Variants in ZC3H6 observed in about 807,000 individuals in gnomAD.
ZC3H6 encodes the protein zinc finger CCCH-type containing 6.
ZC3H6 carries 40 observed loss-of-function variants against 107.7 expected under a neutral mutation model. That is an observed-to-expected ratio of 0.37 (90% CI 0.29 to 0.48). The LOEUF is 0.48. Ranked by LOEUF, ZC3H6 falls within the 20% of genes least tolerant of loss-of-function variation. ZC3H6 has a pLI of 0.98. For synonymous variants in ZC3H6, 493 were observed against 487.9 expected (o/e 1.01, Z -0.14); for missense variants, 1,267 against 1,410.4 (o/e 0.90, Z 1.63).
chr2:112,289,648 C>T (rs1361719670), intron 1 of ZC3H6, among the ~76,000 whole-genome samples: 1 of 152,304 alleles, frequency 6.6e-6, no homozygotes, highest in East Asian at 1.9e-4. Flanking sequence ...ATCAACTTAT[C>T]TGGGACCCTG....
intron 1 of ZC3H6, among the ~76,000 whole-genome samples, chr2:112,286,710 C>G (rs184315064): frequency 6.6e-6 from 1 of 152,282 alleles, no homozygotes; most frequent in African/African-American, 2.4e-5. Flanking sequence ...AAGTGCTGGG[C>G]TCATAGGCAT....
rs1558959378 is a variant in ZC3H6 at position 112,332,525 on chromosome 2, A to T, written c.*37A>T. On this transcript the variant is annotated 3_prime_UTR_variant, in exon 12 of 12. Coordinates refer to ENST00000409871, the MANE Select transcript of ZC3H6 (RefSeq NM_198581.3). ...CTGAGCAATTCTTTTCACTCTTGTG[A>T]CTATCTCAGTCCTCTGCTGTTTTGT... 6.4e-7 allele frequency: 1 copy of T among 1,562,682 alleles called. No individual in the cohort carries two copies. Among genetic ancestry groups the T allele is most frequent in the Non-Finnish European group, 8.7e-7 (1 of 1,155,368 alleles).
intron 2 of ZC3H6, 52 bp from the exon 3 acceptor site, chr2:112,303,176 TA>T: frequency 1.3e-6 from 2 of 1,570,318 alleles, no homozygotes; most frequent in Middle Eastern, 3.4e-4. Flanking sequence ...AATTACTAGT[TA>T]AATTTTCTTC....
At chr2:112,279,135 T>G (rs181344189) in intron 1 of ZC3H6, among the ~76,000 whole-genome samples, 35 of 152,364 alleles carry the variant, frequency 2.3e-4, no homozygotes, top group Admixed American at 1.6e-3. Flanking sequence ...CAGAGCCTAG[T>G]TTCTAAAGGT....
chr2:112,297,321 C>G (rs1573952425), intron 1 of ZC3H6, among the ~76,000 whole-genome samples: 1 of 152,138 alleles, frequency 6.6e-6, no homozygotes, highest in African/African-American at 2.4e-5. Flanking sequence ...GTGACATGAT[C>G]AGTTTTGTAT....
rs561147355 is a variant in ZC3H6 at position 112,318,739 on chromosome 2, A to G, written c.976+1407A>G. Among the ~76,000 whole-genome samples, 5 of 152,288 alleles carry G rather than the reference A, an allele frequency of 3.3e-5. No individual in the cohort carries two copies. In the South Asian group the frequency reaches 1.0e-3, roughly 32 times the overall value. ...TATGCATTTACCCTTTGACCCAGCAATCCCACGTTTTGCAGTTTCTCCACA... is the reference window on the plus strand; with the variant it reads ...TATGCATTTACCCTTTGACCCAGCAGTCCCACGTTTTGCAGTTTCTCCACA... On this transcript the variant is annotated intron_variant, in intron 7 of 11. Coordinates refer to ENST00000409871, the MANE Select transcript of ZC3H6 (RefSeq NM_198581.3).
chr2:112,283,945 T>C (rs1334265123), intron 1 of ZC3H6, among the ~76,000 whole-genome samples: 1 of 152,272 alleles, frequency 6.6e-6, no homozygotes, highest in African/African-American at 2.4e-5. Context: ...TAATAATCTT[T>C]ATATTTTAAG....
intron 5 of ZC3H6, 87 bp downstream of exon 5, chr2:112,312,024 A>G (rs986159421): frequency 7.5e-7 from 1 of 1,328,234 alleles, no homozygotes; most frequent in Non-Finnish European, 1.0e-6. Flanking sequence ...GATTTTAATG[A>G]TACTTCTCTA....
Position 112,310,155 on chromosome 2 carries a change from C to A in ZC3H6, c.607C>A (p.Gln203Lys). ...SGKKQRMKGV[Q>K]QGIEQRVKSF... ...AAAAAAACAGAGAATGAAAGGAGTT[C>A]AGCAAGGTAAGTTTGAAATTACAGT... is the stretch of plus-strand genomic sequence containing the variant. The change falls in exon 4 of 12, where the codon CAG (glutamine) becomes AAG (lysine). Residue 203 changes from glutamine to lysine, a missense_variant. Around this residue, in one of 3 missense-constraint regions of ZC3H6, gnomAD observed 337 missense variants for 361.2 expected, o/e 0.93. Transcript: ENST00000409871. 1 of 1,611,226 alleles carries A rather than the reference C, an allele frequency of 6.2e-7. No homozygotes were observed. The highest frequency in any genetic ancestry group is 1.1e-5 in the South Asian group (1 of 90,622).
chr2:112,301,478 GAT>G (rs1676371268), intron 2 of ZC3H6, among the ~76,000 whole-genome samples: 2 of 152,242 alleles, frequency 1.3e-5, no homozygotes, highest in Admixed American at 1.3e-4. Flanking sequence ...CAACAGAAGA[GAT>G]AACCCTAGAG....
At chr2:112,307,361 G>A (rs566345601) in intron 3 of ZC3H6, among the ~76,000 whole-genome samples, 1 of 152,126 alleles carries the variant, frequency 6.6e-6, no homozygotes, top group East Asian at 1.9e-4. Flanking sequence ...AGTGATTGCT[G>A]TGGGGCTTGT....
At chr2:112,313,431 C>T (rs1160790751) in intron 5 of ZC3H6, among the ~76,000 whole-genome samples, 2 of 152,094 alleles carry the variant, frequency 1.3e-5, no homozygotes, top group Admixed American at 1.3e-4. Context: ...TACCTTTAAA[C>T]AAAATTAGCT....
chr2:112,311,125 G>A (rs1050270978), intron 4 of ZC3H6, among the ~76,000 whole-genome samples: 5 of 151,966 alleles, frequency 3.3e-5, no homozygotes, highest in Non-Finnish European at 5.9e-5. Flanking sequence ...CTACTTGTTT[G>A]TGCTCTTAAA....
In ZC3H6 at chr2:112,332,231, G is replaced by A. The variant is rs1287704286; in HGVS notation, c.3313G>A (p.Val1105Ile). 3 of 1,614,020 alleles carry A rather than the reference G, an allele frequency of 1.9e-6. No homozygotes were observed. Among genetic ancestry groups the A allele is most frequent in the East Asian group, 2.2e-5 (1 of 44,882 alleles). The change falls in exon 12 of 12, where the codon GTC (valine) becomes ATC (isoleucine). Residue 1105 changes from valine (V) to isoleucine (I), a missense_variant. Val to Ile is a conservative substitution (Grantham distance 29). This residue lies in a region of ZC3H6 where 925 missense variants were observed against 1,025.7 expected (regional missense o/e 0.90). Coordinates refer to ENST00000409871, the MANE Select transcript of ZC3H6 (RefSeq NM_198581.3). ...ACAAAAACCCAGTCCAAACGTGGGA[G>A]TCACTCTTGAGGGGCCAGCTGACCC... ...LPQKPSPNVG[V>I]TLEGPADPQA...
chr2:112,300,730 G>A lies in ZC3H6; in HGVS notation c.213+701G>A, dbSNP rs144455907. ...GAGGGTTATAGTAGTGAGTGAAATA[G>A]TTGGCTCTTAAAGAGTTTACATTGC... On this transcript the variant is annotated intron_variant, in intron 2 of 11. Transcript: ENST00000409871. Among the ~76,000 whole-genome samples, 592 of 152,212 alleles carry A rather than the reference G, an allele frequency of 3.9e-3. 4 individuals are homozygous for A. Among genetic ancestry groups the A allele is most frequent in the African/African-American group, 0.014 (568 of 41,512 alleles).
chr2:112,291,390 T>G (rs943218476), intron 1 of ZC3H6, among the ~76,000 whole-genome samples: 7 of 152,198 alleles, frequency 4.6e-5, no homozygotes, highest in Non-Finnish European at 7.3e-5. Context: ...TGTCCCACTA[T>G]TCCTGGCCAA....
chr2:112,307,803 A>C (rs1357493190), intron 3 of ZC3H6, among the ~76,000 whole-genome samples: 1 of 152,204 alleles, frequency 6.6e-6, no homozygotes, highest in Non-Finnish European at 1.5e-5. Flanking sequence ...TCTAGGGAGG[A>C]GGTAAATGAA....
chr2:112,292,888 T>C (rs1336504831), intron 1 of ZC3H6, among the ~76,000 whole-genome samples: 3 of 152,138 alleles, frequency 2.0e-5, no homozygotes, highest in Non-Finnish European at 4.4e-5. Context: ...GTAAGCATGA[T>C]CTCCTGGAAG....
intron 9 of ZC3H6, among the ~76,000 whole-genome samples, 152 bp from the exon 10 acceptor site, chr2:112,324,000 C>G (rs921229234): frequency 4.6e-5 from 7 of 152,164 alleles, no homozygotes; most frequent in Non-Finnish European, 5.9e-5. Flanking sequence ...GTGTTTCTAC[C>G]TATCGACGCT....
Sources: allele counts gnomAD v4.1 joint callset (sites outside exome capture counted in the v4.1 genomes callset), GRCh38; gene constraint gnomAD v4.1.1; regional missense constraint gnomAD v4.1.1; transcripts MANE v1.5; gene names NCBI Gene and HGNC (gene_info 2026-07-23, HGNC 2026-07-21).